Variants in CDH11 observed in about 807,000 individuals in gnomAD.
CDH11 encodes cadherin-11.
CDH11 carries 11 observed loss-of-function variants against 67.8 expected under a neutral mutation model. The ratio of observed to expected loss-of-function variants is 0.16; its 90% CI spans 0.10 to 0.27. CDH11 has a LOEUF of 0.27. Ranked by LOEUF, CDH11 falls within the 10% of genes least tolerant of loss-of-function variation. CDH11 has a pLI of 1.00. For synonymous variants in CDH11, 419 were observed against 400.0 expected, an observed-to-expected ratio of 1.05 and a Z score of -0.57; for missense variants, 847 against 1,031.2, an observed-to-expected ratio of 0.82 and a Z score of 2.45.
rs549489538 is a variant in CDH11, at chr16:65,109,521, G to A, written c.-298+12359C>T. ...ATTGGGCCAACACAGAGGCTATACA[G>A]TTAAGAAGGTGTGCAGACTGTCCCC... On this transcript the variant is annotated intron_variant, in intron 1 of 12. Coordinates refer to ENST00000268603, the MANE Select transcript of CDH11 (RefSeq NM_001797.4). Among the ~76,000 whole-genome samples, 40 of 152,334 alleles carry A rather than the reference G, an allele frequency of 2.6e-4. No individual in the cohort carries two copies. The South Asian group carries it at 8.1e-3, about 31-fold the overall frequency.
intron 11 of CDH11, among the ~76,000 whole-genome samples, chr16:64,954,084 C>T (rs2071436737): frequency 6.6e-6 from 1 of 152,192 alleles, no homozygotes; most frequent in African/African-American, 2.4e-5. Flanking sequence ...GAAACTCAAA[C>T]ACCAATGGAA....
intron 1 of CDH11, among the ~76,000 whole-genome samples, chr16:65,068,825 T>C (rs143278385): frequency 1.3e-5 from 2 of 152,270 alleles, no homozygotes; most frequent in East Asian, 3.9e-4. Flanking sequence ...TTTTCAGAAA[T>C]AAGAAAAATG....
intron 1 of CDH11, among the ~76,000 whole-genome samples, chr16:65,082,846 C>A (rs1742463697): frequency 6.6e-6 from 1 of 152,196 alleles, no homozygotes; most frequent in Non-Finnish European, 1.5e-5. Context: ...CAAACCATTA[C>A]CTTCCTGGTA....
At chr16:65,065,221 A>G (rs2074294066) in intron 1 of CDH11, among the ~76,000 whole-genome samples, 1 of 151,598 alleles carries the variant, frequency 6.6e-6, no homozygotes, top group Non-Finnish European at 1.5e-5. Flanking sequence ...TAGGTTGAAG[A>G]CTCACCCGGC....
chr16:64,962,536 T>G (rs1352938044), intron 11 of CDH11, among the ~76,000 whole-genome samples: 2 of 152,060 alleles, frequency 1.3e-5, no homozygotes, highest in Non-Finnish European at 2.9e-5. Context: ...AGTTAAAATC[T>G]CTAGGGGAAC....
chr16:64,951,755 T>C (rs1278755198), intron 11 of CDH11, among the ~76,000 whole-genome samples: 1 of 152,184 alleles, frequency 6.6e-6, no homozygotes, highest in Non-Finnish European at 1.5e-5. Flanking sequence ...CTTCAAACCT[T>C]ATGCAAACTA....
At chr16:65,028,419 G>C (rs988587610) in intron 2 of CDH11, among the ~76,000 whole-genome samples, 40 of 151,890 alleles carry the variant, frequency 2.6e-4, no homozygotes, top group Non-Finnish European at 5.6e-4. Context: ...GATATTTTTT[G>C]GACTGACACA....
intron 2 of CDH11, among the ~76,000 whole-genome samples, chr16:65,048,430 G>A (rs543559587): frequency 1.3e-5 from 2 of 152,056 alleles, no homozygotes; most frequent in African/African-American, 2.4e-5. Context: ...ATATCAAAAC[G>A]GAACCTGCAC....
intron 2 of CDH11, among the ~76,000 whole-genome samples, chr16:65,041,092 T>G (rs2073858957): frequency 6.6e-6 from 1 of 152,202 alleles, no homozygotes. Flanking sequence ...CTCCTGAACT[T>G]ACAGCCAGCG....
chr16:64,980,745 G>T (rs900669706), intron 8 of CDH11, among the ~76,000 whole-genome samples: 1 of 152,160 alleles, frequency 6.6e-6, no homozygotes, highest in African/African-American at 2.4e-5. Context: ...GGTAAGATGT[G>T]ATGTTTGGAT....
intron 2 of CDH11, among the ~76,000 whole-genome samples, chr16:65,046,933 C>T (rs1205451445): frequency 6.6e-6 from 1 of 150,848 alleles, no homozygotes; most frequent in Non-Finnish European, 1.5e-5. Context: ...TGTAGCAAAA[C>T]CCCATCTTTA....
At chr16:65,062,490 T>C (rs1218470271) in intron 1 of CDH11, among the ~76,000 whole-genome samples, 1 of 152,188 alleles carries the variant, frequency 6.6e-6, no homozygotes, top group African/African-American at 2.4e-5. Flanking sequence ...ACAACTGATT[T>C]ATGATATAAT....
intron 8 of CDH11, among the ~76,000 whole-genome samples, chr16:64,975,654 T>C (rs889388111): frequency 3.3e-5 from 5 of 152,172 alleles, no homozygotes; most frequent in African/African-American, 1.2e-4. Context: ...CTTGCTATTG[T>C]GAATAGTGCT....
chr16:65,062,906 A>G (rs1313964095), intron 1 of CDH11, among the ~76,000 whole-genome samples: 1 of 152,190 alleles, frequency 6.6e-6, no homozygotes, highest in African/African-American at 2.4e-5. Flanking sequence ...TTGGCCACAG[A>G]GGGGCTGACG....
intron 7 of CDH11, chr16:64,984,620 C>G (rs1340619093): frequency 2.0e-5 from 3 of 152,216 alleles, no homozygotes; most frequent in Middle Eastern, 6.8e-3. Flanking sequence ...AAACAATATT[C>G]AAAAATGCAT....
At chr16:65,091,346 G>T (rs1826409602) in intron 1 of CDH11, among the ~76,000 whole-genome samples, 1 of 152,042 alleles carries the variant, frequency 6.6e-6, no homozygotes, top group Non-Finnish European at 1.5e-5. Flanking sequence ...GATGATTATT[G>T]TAAAATCTCA....
chr16:64,964,694 A>G (rs1597023626), intron 11 of CDH11, among the ~76,000 whole-genome samples: 1 of 151,732 alleles, frequency 6.6e-6, no homozygotes, highest in Non-Finnish European at 1.5e-5. Flanking sequence ...GACTACAGGC[A>G]CCCGCCACCA....
chr16:64,957,653 T>TAC (rs1000159354), intron 11 of CDH11, among the ~76,000 whole-genome samples: 23 of 151,236 alleles, frequency 1.5e-4, no homozygotes, highest in Admixed American at 4.6e-4. Flanking sequence ...TATATATATA[T>TAC]ACATATATAT....
At chr16:64,984,198 TG>T (rs2072426409) in intron 7 of CDH11, among the ~76,000 whole-genome samples, 1 of 152,174 alleles carries the variant, frequency 6.6e-6, no homozygotes, top group Non-Finnish European at 1.5e-5. Context: ...AGTGGCCCTT[TG>T]GCAGCCCTTC....
Sources: gnomAD v4.1 joint callset for allele counts (sites outside exome capture counted in the v4.1 genomes callset) on GRCh38, gnomAD v4.1.1 for gene constraint, MANE v1.5 for transcripts, NCBI Gene and HGNC (gene_info 2026-07-23, HGNC 2026-07-21) for gene names.